The following CNBP variants were observed in gnomAD, a reference collection of about 807,000 sequenced individuals.
The protein encoded by CNBP is CCHC-type zinc finger nucleic acid binding protein.
CNBP carries 6 observed loss-of-function variants against 21.2 expected under a neutral mutation model. The ratio of observed to expected loss-of-function variants is 0.28; its 90% CI spans 0.16 to 0.56. CNBP has a LOEUF of 0.56. Among genes scored for constraint, CNBP ranks in the 20% least tolerant of loss-of-function variants. The probability of loss-of-function intolerance (pLI) is 0.93; values close to 1 mark genes in which losing one functional copy is unlikely to be tolerated. For missense variants in CNBP, 112 were observed against 233.1 expected (o/e 0.48, Z 3.38); for synonymous variants, 61 against 74.9 (o/e 0.81, Z 0.96).
chr3:129,177,423 T>C (rs1379440887), intron 1 of CNBP, among the ~76,000 whole-genome samples: 1 of 152,238 alleles, frequency 6.6e-6, no homozygotes, highest in African/African-American at 2.4e-5. Context: ...TACCCATCTG[T>C]GTCTTATTTG....
intron 1 of CNBP, among the ~76,000 whole-genome samples, chr3:129,181,239 C>CAAAAAAAAAAAAAAAAAAA (rs10587328): frequency 3.0e-4 from 16 of 53,176 alleles, no homozygotes; most frequent in East Asian, 1.7e-3. Context: ...GACTCTGTCT[C>CAAAAAAAAAAAAAAAAAAA]AAAAAAAAAA....
intron 3 of CNBP, 26 bp downstream of exon 3, chr3:129,171,420 A>G (rs1384897891): frequency 1.9e-6 from 3 of 1,606,102 alleles, no homozygotes; most frequent in Non-Finnish European, 2.6e-6. Context: ...CTAGAGGGGT[A>G]TGAAAAGGAA....
At chr3:129,175,253 G>C (rs1277860487) in intron 1 of CNBP, among the ~76,000 whole-genome samples, 1 of 151,764 alleles carries the variant, frequency 6.6e-6, no homozygotes. Flanking sequence ...GAACCCGGGA[G>C]GTGGAGGTTG....
rs370352085 is a variant in CNBP, at chr3:129,181,566, G to A, written c.-15+2210C>T. 5.0e-4 allele frequency among the ~76,000 whole-genome samples: 75 copies of A among 149,810 alleles called. 1 individual carries two copies. Among genetic ancestry groups the A allele is most frequent in the African/African-American group, 1.8e-3 (74 of 40,756 alleles). On this transcript the variant is annotated intron_variant, in intron 1 of 4. Transcript: ENST00000422453. ...CTTCGGAGGCTGAGGCAGGAGAATCGCTTAATCCGGGAGGCGGAGGTCGCA... is the reference window on the plus strand; with the variant it reads ...CTTCGGAGGCTGAGGCAGGAGAATCACTTAATCCGGGAGGCGGAGGTCGCA...
intron 1 of CNBP, among the ~76,000 whole-genome samples, chr3:129,174,873 A>G (rs1261586706): frequency 2.0e-5 from 3 of 152,096 alleles, no homozygotes; most frequent in Non-Finnish European, 2.9e-5. Context: ...TTATAATTTA[A>G]TATTTAAACA....
intron 4 of CNBP, 149 bp from the exon 5 acceptor site, chr3:129,170,719 T>C (rs1374534852): frequency 4.5e-6 from 3 of 664,636 alleles, no homozygotes; most frequent in Non-Finnish European, 8.0e-6. Flanking sequence ...ACAACATTTA[T>C]CAAATTATAC....
chr3:129,176,302 G>A (rs768218995), intron 1 of CNBP, among the ~76,000 whole-genome samples: 7 of 152,014 alleles, frequency 4.6e-5, no homozygotes, highest in Non-Finnish European at 1.0e-4. Flanking sequence ...CAACTCAAAT[G>A]CCAACTCTAT....
intron 1 of CNBP, among the ~76,000 whole-genome samples, chr3:129,172,979 G>A (rs1391032922): frequency 6.6e-6 from 1 of 152,076 alleles, no homozygotes; most frequent in Non-Finnish European, 1.5e-5. Context: ...CACTTGCCTG[G>A]TGACTGAGAT....
Position 129,171,840 on chromosome 3 carries a change from G to GT in CNBP, c.-14-70dup, listed in dbSNP as rs1937574948. ...TTTTAACTTTTATTCTCTATTAAATGTATTTTTGGAAAATTATTCTGGGGA... is the reference window on the plus strand; with the variant it reads ...TTTTAACTTTTATTCTCTATTAAATGTTATTTTTGGAAAATTATTCTGGGGA... On this transcript the variant is annotated intron_variant, in intron 1 of 4. Coordinates refer to ENST00000422453, the MANE Select transcript of CNBP (RefSeq NM_003418.5). The GT allele has an allele frequency of 2.7e-6, 4 of 1,481,374 alleles. No homozygotes were observed. The East Asian group carries it at 7.0e-5, about 26-fold the overall frequency. 91.8% of individuals were successfully genotyped at this position (1,481,374 alleles called of 1,614,324 possible).
Position 129,171,682 on chromosome 3 carries a change from C to T in CNBP, c.76G>A (p.Gly26Ser). Residue 26 changes from glycine (G) to serine (S), a missense_variant, in exon 2 of 5, where the codon GGT (glycine) becomes AGT (serine). Transcript: ENST00000422453. ...ARECPTGGGR[G>S]RGMRSRGRGG... Reference sequence around the variant, plus strand: ...CTGCCACGGCTTCTCATTCCACGACCACGGCCTCCACCAGTAGGACATTCC... The same window carrying T: ...CTGCCACGGCTTCTCATTCCACGACTACGGCCTCCACCAGTAGGACATTCC... The T allele has an allele frequency of 6.2e-7, 1 of 1,614,152 alleles. No homozygotes were observed. Among genetic ancestry groups the T allele is most frequent in the Non-Finnish European group, 8.5e-7 (1 of 1,180,040 alleles).
chr3:129,171,934 C>T (rs1359118047), intron 1 of CNBP, among the ~76,000 whole-genome samples, 163 bp from the exon 2 acceptor site: 1 of 152,198 alleles, frequency 6.6e-6, no homozygotes, highest in African/African-American at 2.4e-5. Flanking sequence ...AATCCCATCA[C>T]TTTGGGAGGC....
Position 129,169,274 on chromosome 3 carries a change from G to C in CNBP, c.*1179C>G, listed in dbSNP as rs1369381583. On this transcript the variant is annotated 3_prime_UTR_variant, in exon 5 of 5. Transcript: ENST00000422453. ...GCACTCCAGCCTGGGCGACAAGAGT[G>C]AGACTCCGTCTCCAAAACAAAACAA... is the stretch of plus-strand genomic sequence containing the variant. 1.3e-5 allele frequency among the ~76,000 whole-genome samples: 2 copies of C among 152,118 alleles called. No individual in the cohort carries two copies. The highest frequency in any genetic ancestry group is 2.9e-5 in the Non-Finnish European group (2 of 68,004).
At chr3:129,178,935 CGG>C (rs896328343) in intron 1 of CNBP, among the ~76,000 whole-genome samples, 4 of 151,792 alleles carry the variant, frequency 2.6e-5, no homozygotes, top group African/African-American at 9.7e-5. Flanking sequence ...TTAGTAGAGA[CGG>C]GGGTTTCACC....
intron 1 of CNBP, among the ~76,000 whole-genome samples, chr3:129,177,233 T>C (rs1937963321): frequency 6.6e-6 from 1 of 152,262 alleles, no homozygotes; most frequent in Admixed American, 6.5e-5. Flanking sequence ...AGGCACCACT[T>C]ACTGAAGGTT....
chr3:129,174,830 T>C (rs1937791122), intron 1 of CNBP, among the ~76,000 whole-genome samples: 1 of 152,192 alleles, frequency 6.6e-6, no homozygotes, highest in Admixed American at 6.6e-5. Flanking sequence ...ACTTTTACAG[T>C]GTAATCCAGA....
intron 1 of CNBP, among the ~76,000 whole-genome samples, chr3:129,177,673 T>A (rs77185261): frequency 0.083 from 12,657 of 152,196 alleles, 892 homozygotes; most frequent in African/African-American, 0.19. Context: ...ATTTCCTGAA[T>A]GGAATGGAGA....
intron 1 of CNBP, among the ~76,000 whole-genome samples, chr3:129,172,793 A>G (rs1937642208): frequency 6.6e-6 from 1 of 152,078 alleles, no homozygotes; most frequent in Non-Finnish European, 1.5e-5. Context: ...TTGCATGGTT[A>G]TAAGGCCTAT....
intron 1 of CNBP, among the ~76,000 whole-genome samples, chr3:129,175,892 T>C (rs1937871390): frequency 6.6e-6 from 1 of 152,214 alleles, no homozygotes; most frequent in Non-Finnish European, 1.5e-5. Context: ...TTAGGTACTA[T>C]GTATGCAATC....
chr3:129,172,217 A>AT (rs1209416432), intron 1 of CNBP, among the ~76,000 whole-genome samples: 1 of 152,122 alleles, frequency 6.6e-6, no homozygotes, highest in Non-Finnish European at 1.5e-5. Context: ...TTATAGACTT[A>AT]TTATAATATA....
Sources: allele counts gnomAD v4.1 joint callset (sites outside exome capture counted in the v4.1 genomes callset), GRCh38; gene constraint gnomAD v4.1.1; transcripts MANE v1.5; gene names NCBI Gene and HGNC (gene_info 2026-07-23, HGNC 2026-07-21).